IL19: variants seen among roughly 807,000 people sequenced by gnomAD.
IL19 encodes interleukin 19, also known as interleukin-19.
Under a neutral mutation model 19.5 loss-of-function variants are expected in IL19, and 15 were observed. The observed-to-expected ratio is 0.77, with a 90% CI of 0.52 to 1.19. IL19 has a LOEUF of 1.19. IL19 is among the 50% of genes most tolerant of loss of function. IL19 has a pLI of 0.00. For missense variants in IL19, 199 were observed against 213.1 expected (o/e 0.93, Z 0.41); for synonymous variants, 78 against 78.3 (o/e 1.00, Z 0.02).
Position 206,842,562 on chromosome 1 carries a change from A to C in IL19, c.474A>C (p.Gly158=). ...EVHAAAIKSL[G]ELDVFLAWIN... ...ACGCTGCTGCCATTAAATCCCTGGGAGAGCTCGACGTCTTTCTAGCCTGGA... is the reference window on the plus strand; with the variant it reads ...ACGCTGCTGCCATTAAATCCCTGGGCGAGCTCGACGTCTTTCTAGCCTGGA... Residue 158 remains glycine (G), a synonymous_variant, in exon 7 of 7, where the codon GGA becomes GGC. Coordinates refer to ENST00000659997, the MANE Select transcript of IL19 (RefSeq NM_153758.5). The C allele has an allele frequency of 6.3e-7, 1 of 1,576,614 alleles. No individual in the cohort carries two copies. The highest frequency in any genetic ancestry group is 2.3e-5 in the East Asian group (1 of 43,852).
At chr1:206,798,821 A>G in intron 1 of IL19, 40 bp from the exon 2 acceptor site, 1 of 1,118,840 alleles carries the variant, frequency 8.9e-7, no homozygotes, top group East Asian at 2.4e-5. Context: ...AGCTGAGTGT[A>G]CCTTTTTGTA....
chr1:206,796,602 T>G (rs1675528637), intron 1 of IL19, among the ~76,000 whole-genome samples: 1 of 152,224 alleles, frequency 6.6e-6, no homozygotes, highest in African/African-American at 2.4e-5. Context: ...TGTTTAGATA[T>G]GTTTAGATAC....
chr1:206,814,237 G>A (rs189319577), intron 2 of IL19, among the ~76,000 whole-genome samples: 16 of 151,970 alleles, frequency 1.1e-4, no homozygotes, highest in Admixed American at 8.5e-4. Flanking sequence ...AAGTTTGAAC[G>A]GCAATTATGA....
chr1:206,781,810 AGAG>A (rs1267003294), intron 1 of IL19, among the ~76,000 whole-genome samples: 1 of 149,874 alleles, frequency 6.7e-6, no homozygotes, highest in Non-Finnish European at 1.5e-5. Context: ...TCAAAGTTAT[AGAG>A]GACCCCCAAA....
chr1:206,788,189 A>G (rs1675310579), intron 1 of IL19, among the ~76,000 whole-genome samples: 1 of 152,124 alleles, frequency 6.6e-6, no homozygotes, highest in Non-Finnish European at 1.5e-5. Flanking sequence ...CAGCTGTTCT[A>G]TGACTAACTG....
At chr1:206,821,344 A>G (rs1210976743) in intron 2 of IL19, among the ~76,000 whole-genome samples, 1 of 152,278 alleles carries the variant, frequency 6.6e-6, no homozygotes, top group African/African-American at 2.4e-5. Context: ...GTTCAAGTCC[A>G]TAAAGCATTT....
intron 2 of IL19, among the ~76,000 whole-genome samples, chr1:206,827,498 G>A (rs1317130249): frequency 6.6e-6 from 1 of 152,052 alleles, no homozygotes; most frequent in Non-Finnish European, 1.5e-5. Flanking sequence ...AGACCATCCT[G>A]GCTAACACAG....
intron 1 of IL19, among the ~76,000 whole-genome samples, chr1:206,793,714 A>C (rs990480372): frequency 1.3e-5 from 2 of 152,250 alleles, no homozygotes; most frequent in African/African-American, 4.8e-5. Context: ...GAGGCAGAAA[A>C]AAATAATTAT....
intron 2 of IL19, among the ~76,000 whole-genome samples, chr1:206,800,034 G>T (rs767597277): frequency 6.6e-6 from 1 of 152,174 alleles, no homozygotes; most frequent in Non-Finnish European, 1.5e-5. Context: ...ATTATCCAAA[G>T]TCATTGATAA....
At chr1:206,784,483 C>G (rs991730417) in intron 1 of IL19, among the ~76,000 whole-genome samples, 4 of 152,212 alleles carry the variant, frequency 2.6e-5, no homozygotes, top group Admixed American at 2.6e-4. Context: ...GAAACAAAAC[C>G]TTTTCCTCCG....
chr1:206,812,506 A>G (rs1415413110), intron 2 of IL19, among the ~76,000 whole-genome samples: 1 of 152,096 alleles, frequency 6.6e-6, no homozygotes, highest in African/African-American at 2.4e-5. Context: ...GATTGCTGCC[A>G]CTCCATGGGC....
chr1:206,795,445 A>G (rs1675499319), intron 1 of IL19, among the ~76,000 whole-genome samples: 1 of 152,002 alleles, frequency 6.6e-6, no homozygotes. Flanking sequence ...TGCTTAAATT[A>G]CTCTCAGATT....
intron 5 of IL19, chr1:206,840,521 T>G (rs2243185): frequency 3.1e-4 from 67 of 218,514 alleles, no homozygotes; most frequent in African/African-American, 1.5e-3. Flanking sequence ...CTGTGAGACT[T>G]TGTGGCAAGT....
At chr1:206,798,629 C>T (rs894523813) in intron 1 of IL19, among the ~76,000 whole-genome samples, 10 of 151,878 alleles carry the variant, frequency 6.6e-5, no homozygotes, top group African/African-American at 2.4e-4. Flanking sequence ...TTCCCCGACC[C>T]GATTTACCAA....
At chr1:206,796,785 A>C (rs889300206) in intron 1 of IL19, among the ~76,000 whole-genome samples, 1 of 152,190 alleles carries the variant, frequency 6.6e-6, no homozygotes, top group African/African-American at 2.4e-5. Context: ...ATCTCCCAGA[A>C]CATATCCCCA....
intron 2 of IL19, among the ~76,000 whole-genome samples, chr1:206,827,092 G>A (rs1441839022): frequency 6.6e-6 from 1 of 152,200 alleles, no homozygotes. Context: ...TGTTATGAAA[G>A]AATTAAATCT....
At chr1:206,814,032 C>A (rs759951760) in intron 2 of IL19, among the ~76,000 whole-genome samples, 4 of 140,520 alleles carry the variant, frequency 2.8e-5, no homozygotes, top group Admixed American at 1.4e-4. Context: ...TGAAATAAAT[C>A]TTTTTATATA....
chr1:206,804,965 A>G (rs1437476453), intron 2 of IL19, among the ~76,000 whole-genome samples: 1 of 152,170 alleles, frequency 6.6e-6, no homozygotes, highest in Non-Finnish European at 1.5e-5. Context: ...CCTTCTTTGA[A>G]GTTCCTTTCA....
chr1:206,816,357 G>A (rs1676156304), intron 2 of IL19, among the ~76,000 whole-genome samples: 2 of 152,116 alleles, frequency 1.3e-5, no homozygotes, highest in East Asian at 1.9e-4. Context: ...TAGGTAAAAT[G>A]TATGAAAATA....
Sources: allele counts gnomAD v4.1 joint callset (sites outside exome capture counted in the v4.1 genomes callset), GRCh38; gene constraint gnomAD v4.1.1; transcripts MANE v1.5; gene names NCBI Gene and HGNC (gene_info 2026-07-23, HGNC 2026-07-21).